The following ZFP1 variants were observed in gnomAD, a reference collection of about 807,000 sequenced individuals.
ZFP1 encodes the protein ZFP1 zinc finger protein, also known as zinc finger protein 1 homolog.
In ZFP1, 32 loss-of-function variants were observed where a neutral mutation model predicts 38.5. The ratio of observed to expected loss-of-function variants is 0.83; its 90% CI spans 0.63 to 1.12. The LOEUF (loss-of-function observed/expected upper bound fraction) is 1.12, where lower values mean the gene tolerates loss of function less well. Ranked by LOEUF, ZFP1 falls within the 50% of genes most tolerant of loss-of-function variation. The pLI is 0.00. For synonymous variants in ZFP1, 245 were observed against 168.8 expected, an observed-to-expected ratio of 1.45 and a Z score of -3.50; for missense variants, 616 against 480.8, an observed-to-expected ratio of 1.28 and a Z score of -2.63.
At chr16:75,119,151 A>T in the ZFP1 span, among the ~76,000 whole-genome samples, 1 of 152,190 alleles carries the variant, frequency 6.6e-6, no homozygotes, top group Non-Finnish European at 1.5e-5. Flanking sequence ...TTGGCAAAAT[A>T]AACTTTCTAA....
the ZFP1 span, among the ~76,000 whole-genome samples, chr16:75,123,935 CA>C: frequency 0.73 from 109,856 of 150,194 alleles, 40,867 homozygotes; most frequent in African/African-American, 0.88. Context: ...ACTAAAAATA[CA>C]AAAAAAAATT....
the ZFP1 span, among the ~76,000 whole-genome samples, chr16:75,128,314 A>G: frequency 2.6e-5 from 4 of 152,250 alleles, no homozygotes; most frequent in Non-Finnish European, 4.4e-5. Context: ...GGCTTTAAAA[A>G]AAGTCTTATC....
At chr16:75,149,667 C>A (rs1272391869) in intron 1 of ZFP1, among the ~76,000 whole-genome samples, 1 of 146,270 alleles carries the variant, frequency 6.8e-6, no homozygotes, top group African/African-American at 2.5e-5. Flanking sequence ...TAAAGTAGTG[C>A]TCTGCCTCAG....
the ZFP1 span, among the ~76,000 whole-genome samples, chr16:75,124,802 A>AG: frequency 0.19 from 26,228 of 135,594 alleles, 3,202 homozygotes; most frequent in Non-Finnish European, 0.25. Context: ...AAAAAAAAAA[A>AG]GCAAGGTAAA....
At chr16:75,119,038 G>C in the ZFP1 span, among the ~76,000 whole-genome samples, 1 of 152,188 alleles carries the variant, frequency 6.6e-6, no homozygotes, top group Non-Finnish European at 1.5e-5. Flanking sequence ...CGTATGTTGA[G>C]TGACGTCTCA....
chr16:75,157,998 G>T (rs1468168567), intron 2 of ZFP1, among the ~76,000 whole-genome samples: 1 of 151,800 alleles, frequency 6.6e-6, no homozygotes, highest in African/African-American at 2.4e-5. Context: ...AGGTTGCCCA[G>T]GCTGGTCTCA....
At chr16:75,135,429 C>G in the ZFP1 span, among the ~76,000 whole-genome samples, 10 of 152,174 alleles carry the variant, frequency 6.6e-5, no homozygotes, top group Admixed American at 5.2e-4. Context: ...ATTCCATCCA[C>G]ATGACATTCT....
chr16:75,151,724 T>C (rs548796016), intron 1 of ZFP1, among the ~76,000 whole-genome samples: 1 of 152,176 alleles, frequency 6.6e-6, no homozygotes, highest in South Asian at 2.1e-4. Flanking sequence ...TTCACAGTGA[T>C]TAAAAGCAAG....
At chr16:75,133,737 T>C in the ZFP1 span, among the ~76,000 whole-genome samples, 3 of 152,232 alleles carry the variant, frequency 2.0e-5, no homozygotes, top group African/African-American at 7.2e-5. Flanking sequence ...TGTGTGTCCA[T>C]GTACATTTTA....
intron 2 of ZFP1, among the ~76,000 whole-genome samples, chr16:75,159,594 C>T (rs2037662486): frequency 6.7e-6 from 1 of 149,378 alleles, no homozygotes; most frequent in African/African-American, 2.5e-5. Context: ...TTTTTTTAGA[C>T]AGGGTTTTGG....
At position 75,171,647 on chromosome 16, in the gene ZFP1, A is replaced by C. The variant is rs2038439413; in HGVS notation, c.*1313A>C. The C allele has an allele frequency of 6.6e-6, 1 of 152,228 alleles. No homozygotes were observed. The highest frequency in any genetic ancestry group is 2.4e-5 in the African/African-American group (1 of 41,472). The allele number at this position is 152,228 out of a possible 1,614,324, so 9.4% of individuals were successfully genotyped here. A position where few individuals can be genotyped will look rare whatever the true frequency, so the allele number is the denominator to read the frequency against. The stretch of plus-strand genomic sequence containing the variant: ...TAAGTTCAGCCTTTCCCTATCAATC[A>C]CAAATCATGTATTGGAAATTATAAA... On this transcript the variant is annotated 3_prime_UTR_variant, in exon 4 of 4. Transcript: ENST00000570010.
chr16:75,164,181 G>GTTGT lies in ZFP1; in HGVS notation c.16-2586_16-2583dup, dbSNP rs577290731. Among the ~76,000 whole-genome samples, 288 of 152,214 alleles carry GTTGT rather than the reference G, an allele frequency of 1.9e-3. 3 individuals are homozygous for GTTGT. Among genetic ancestry groups the GTTGT allele is most frequent in the Non-Finnish European group, 2.4e-3 (161 of 68,002 alleles). On this transcript the variant is annotated intron_variant, in intron 2 of 3. Transcript: ENST00000570010. Reference sequence around the variant, plus strand: ...TTTTAGCTGGATCATTGAAGTTTGTGTTGTTTTTAAAATTTGCCTCTTGTA... The same window carrying GTTGT: ...TTTTAGCTGGATCATTGAAGTTTGTGTTGTTTGTTTTTAAAATTTGCCTCTTGTA...
chr16:75,143,234 A>G, the ZFP1 span, among the ~76,000 whole-genome samples: 1 of 151,778 alleles, frequency 6.6e-6, no homozygotes. Context: ...ACTGGGCCTG[A>G]ATTTTTTGTT....
At chr16:75,124,818 C>A in the ZFP1 span, among the ~76,000 whole-genome samples, 16 of 132,492 alleles carry the variant, frequency 1.2e-4, no homozygotes, top group Non-Finnish European at 1.8e-4. Context: ...GTAAAAGGAA[C>A]CAGGGAATAA....
chr16:75,131,382 G>A, the ZFP1 span, among the ~76,000 whole-genome samples: 2 of 152,070 alleles, frequency 1.3e-5, no homozygotes, highest in African/African-American at 4.8e-5. Context: ...ACCCTCCCCG[G>A]GGCAGAGCTC....
chr16:75,133,484 T>C, the ZFP1 span, among the ~76,000 whole-genome samples: 140,198 of 152,208 alleles, frequency 0.92, 64,675 homozygotes, highest in African/African-American at 0.94. Flanking sequence ...TATAAATTCT[T>C]ATCATTTAGC....
upstream of ZFP1, among the ~76,000 whole-genome samples, chr16:75,147,955 AT>A (rs2081726872): frequency 6.6e-6 from 1 of 152,216 alleles, no homozygotes; most frequent in Non-Finnish European, 1.5e-5. Context: ...GCACATGTTA[AT>A]TAGCTTGATT....
At position 75,170,290 on chromosome 16, in the gene ZFP1, C is replaced by A; in HGVS notation, c.1180C>A (p.Arg394=). 1 of 1,608,322 alleles carries A rather than the reference C, an allele frequency of 6.2e-7. No individual in the cohort carries two copies. The highest frequency in any genetic ancestry group is 8.5e-7 in the Non-Finnish European group (1 of 1,176,884). ...TGGGAAGGCCTTTAGCAGGAAGTCC[C>A]GACTCAGTGTCCATCAGAGAGTTCA... ...ECGKAFSRKS[R]LSVHQRVHIG... The change falls in exon 4 of 4, where the codon CGA becomes AGA. Residue 394 remains arginine, a synonymous_variant. Coordinates refer to ENST00000570010, the MANE Select transcript of ZFP1 (RefSeq NM_153688.4).
At chr16:75,131,928 G>C in the ZFP1 span, among the ~76,000 whole-genome samples, 1 of 151,246 alleles carries the variant, frequency 6.6e-6, no homozygotes, top group Non-Finnish European at 1.5e-5. Flanking sequence ...TCACACCACT[G>C]TACTCCAGCC....
Sources: gnomAD v4.1 joint callset for allele counts (sites outside exome capture counted in the v4.1 genomes callset) on GRCh38, gnomAD v4.1.1 for gene constraint, MANE v1.5 for transcripts, NCBI Gene and HGNC (gene_info 2026-07-23, HGNC 2026-07-21) for gene names.